The following URI1 variants were observed in gnomAD, a reference collection of about 807,000 sequenced individuals.
The protein encoded by URI1 is unconventional prefoldin RPB5 interactor 1.
In URI1, 39 loss-of-function variants were observed where a neutral mutation model predicts 60.2. The ratio of observed to expected loss-of-function variants is 0.65; its 90% CI spans 0.50 to 0.85. URI1 has a LOEUF of 0.85. URI1 is among the 40% of genes least tolerant of loss of function. The probability of loss-of-function intolerance (pLI) is 0.00; values close to 1 mark genes in which losing one functional copy is unlikely to be tolerated. For missense variants in URI1, 691 were observed against 665.9 expected (o/e 1.04, Z -0.42); for synonymous variants, 251 against 236.8 (o/e 1.06, Z -0.55).
intron 1 of URI1, among the ~76,000 whole-genome samples, chr19:29,932,695 G>A (rs771335749): frequency 1.4e-4 from 19 of 139,692 alleles, no homozygotes; most frequent in South Asian, 2.3e-4. Context: ...CTTGTTGCCC[G>A]GGCTGGAGTG....
At chr19:29,941,084 C>A (rs1016829208), upstream of URI1, among the ~76,000 whole-genome samples, 45 of 152,166 alleles carry the variant, frequency 3.0e-4, no homozygotes, top group Non-Finnish European at 1.5e-5. Context: ...AAGGGTGGAT[C>A]TGGACTTGGG....
chr19:30,015,704 C>G lies in URI1; in HGVS notation c.*635C>G. ...GTAAAAACTTTATGAAACTTGGTCT[C>G]AAAAATGTTGTGAACTTTATGATTC... On this transcript the variant is annotated 3_prime_UTR_variant, in exon 11 of 11. Coordinates refer to ENST00000392271, the MANE Select transcript of URI1 (RefSeq NM_003796.3). The G allele has an allele frequency of 2.1e-6, 2 of 971,568 alleles. No homozygotes were observed. The highest frequency in any genetic ancestry group is 3.0e-6 in the Non-Finnish European group (2 of 667,110). The allele number at this position is 971,568 out of a possible 1,614,324, so 60.2% of individuals were successfully genotyped here. A position where few individuals can be genotyped will look rare whatever the true frequency, so the allele number is the denominator to read the frequency against.
chr19:30,007,364 C>G (rs1007425165), intron 6 of URI1, 106 bp from the exon 7 acceptor site: 4 of 1,277,932 alleles, frequency 3.1e-6, no homozygotes, highest in Non-Finnish European at 2.1e-6. Context: ...TGTGACCCCT[C>G]TGTTTCAATA....
chr19:29,970,465 T>C (rs565058049), intron 1 of URI1, among the ~76,000 whole-genome samples: 1 of 152,210 alleles, frequency 6.6e-6, no homozygotes, highest in East Asian at 1.9e-4. Flanking sequence ...GCATTTTTCT[T>C]TATTGTCTAG....
intron 6 of URI1, among the ~76,000 whole-genome samples, chr19:30,006,012 C>T (rs1376199613): frequency 6.6e-6 from 1 of 152,054 alleles, no homozygotes; most frequent in Non-Finnish European, 1.5e-5. Context: ...CATGGATCTG[C>T]TCCTAATTTG....
Position 29,973,182 on chromosome 19 carries a change from A to C in URI1, c.152+1955A>C, listed in dbSNP as rs574547161. Among the ~76,000 whole-genome samples the C allele has an allele frequency of 5.9e-5, 9 of 152,244 alleles. No homozygotes were observed. The South Asian group carries it at 1.9e-3, about 32-fold the overall frequency. ...ATTTTTGCATTCTCTTAATTCCTCAAACAATAGTTGAGTTTCTACCATATG... is the reference window on the plus strand; with the variant it reads ...ATTTTTGCATTCTCTTAATTCCTCACACAATAGTTGAGTTTCTACCATATG... On this transcript the variant is annotated intron_variant, in intron 2 of 10. Transcript: ENST00000392271.
At chr19:29,945,152 G>C (rs1599659459) in intron 1 of URI1, among the ~76,000 whole-genome samples, 1 of 152,208 alleles carries the variant, frequency 6.6e-6, no homozygotes, top group African/African-American at 2.4e-5. Flanking sequence ...TTGAATGACT[G>C]TTCTCAGTTT....
chr19:29,948,439 G>T (rs1435601034), intron 1 of URI1, among the ~76,000 whole-genome samples: 1 of 152,112 alleles, frequency 6.6e-6, no homozygotes, highest in East Asian at 1.9e-4. Flanking sequence ...TTATGAGTGG[G>T]TGTTGAATTT....
chr19:29,965,137 G>A (rs918912462), intron 1 of URI1, among the ~76,000 whole-genome samples: 1 of 152,136 alleles, frequency 6.6e-6, no homozygotes, highest in Non-Finnish European at 1.5e-5. Context: ...TGGTTAGCTT[G>A]TGCAGATCCT....
At chr19:29,992,068 TTTCTTTTTTTTG>T (rs2055753404) in intron 4 of URI1, among the ~76,000 whole-genome samples, 1 of 152,094 alleles carries the variant, frequency 6.6e-6, no homozygotes, top group African/African-American at 2.4e-5. Context: ...TTAAAGTGGG[TTTCTTTTTTTTG>T]TTCTTTTGAG....
At chr19:29,987,060 T>G (rs889567158) in intron 4 of URI1, among the ~76,000 whole-genome samples, 1 of 152,174 alleles carries the variant, frequency 6.6e-6, no homozygotes, top group Non-Finnish European at 1.5e-5. Flanking sequence ...CAACACACAC[T>G]ACACATTTTG....
chr19:29,926,791 C>T (rs756565004), intron 1 of URI1, among the ~76,000 whole-genome samples: 3 of 152,190 alleles, frequency 2.0e-5, no homozygotes, highest in Admixed American at 6.5e-5. Flanking sequence ...GAAGGCTTCC[C>T]TGGAGAGGGG....
Position 29,942,483 on chromosome 19 carries a change from G to A in URI1, c.-65G>A. The A allele has an allele frequency of 9.0e-7, 1 of 1,112,328 alleles. No individual in the cohort carries two copies. Among genetic ancestry groups the A allele is most frequent in the Non-Finnish European group, 1.1e-6 (1 of 911,124 alleles). The allele number at this position is 1,112,328 out of a possible 1,614,324, so 68.9% of individuals were successfully genotyped here. A position where few individuals can be genotyped will look rare whatever the true frequency, so the allele number is the denominator to read the frequency against. On this transcript the variant is annotated 5_prime_UTR_variant, in exon 1 of 11. Coordinates refer to ENST00000392271, the MANE Select transcript of URI1 (RefSeq NM_003796.3). ...GCGCGCGGGCGCTGGGCAACTGCCG[G>A]CCGCGCCGCCTGCGCAGGCGCTGGT...
At chr19:29,962,263 CT>C (rs894682343) in intron 1 of URI1, among the ~76,000 whole-genome samples, 3,894 of 143,402 alleles carry the variant, frequency 0.027, 122 homozygotes, top group African/African-American at 0.077. Context: ...TTTTTCTCTG[CT>C]TTTTTTTTTT....
intron 1 of URI1, chr19:29,956,685 G>C: frequency 6.5e-7 from 1 of 1,547,060 alleles, no homozygotes; most frequent in Non-Finnish European, 8.9e-7. Context: ...TAACGACGTT[G>C]ATGGGGGAAG....
chr19:30,009,313 T>C lies in URI1; in HGVS notation c.995T>C (p.Ile332Thr), dbSNP rs758201066. Reference sequence around the variant, plus strand: ...GCTTTAGGGGTTGGAGATAATTCTATACCAACAATATATTTTTCACATACT... The same window carrying C: ...GCTTTAGGGGTTGGAGATAATTCTACACCAACAATATATTTTTCACATACT... ...HEALGVGDNS[I>T]PTIYFSHTVE... Residue 332 changes from isoleucine (I) to threonine (T), a missense_variant, in exon 8 of 11, where the codon ATA (isoleucine) becomes ACA (threonine). Ile to Thr is a moderately conservative substitution (Grantham distance 89). Transcript: ENST00000392271. 1.9e-6 allele frequency: 3 copies of C among 1,613,976 alleles called. No individual in the cohort carries two copies. Among genetic ancestry groups the C allele is most frequent in the African/African-American group, 2.7e-5 (2 of 74,926 alleles).
At chr19:29,959,648 G>A (rs562662709) in intron 1 of URI1, among the ~76,000 whole-genome samples, 52 of 152,238 alleles carry the variant, frequency 3.4e-4, no homozygotes, top group African/African-American at 1.1e-3. Flanking sequence ...TTGTCCCTCC[G>A]AGTTATCATA....
At chr19:29,968,837 C>T (rs2055423434) in intron 1 of URI1, among the ~76,000 whole-genome samples, 3 of 151,714 alleles carry the variant, frequency 2.0e-5, no homozygotes, top group Admixed American at 6.6e-5. Context: ...TCCCAAAGTG[C>T]TGGGATTACA....
chr19:29,982,244 T>G (rs942714332), intron 2 of URI1, among the ~76,000 whole-genome samples: 1 of 152,238 alleles, frequency 6.6e-6, no homozygotes. Flanking sequence ...ACTCTAATCT[T>G]AAACTGCTCT....
Sources: allele counts gnomAD v4.1 joint callset (sites outside exome capture counted in the v4.1 genomes callset), GRCh38; gene constraint gnomAD v4.1.1; transcripts MANE v1.5; gene names NCBI Gene and HGNC (gene_info 2026-07-23, HGNC 2026-07-21).